Variants in SETX observed in about 807,000 individuals in gnomAD.
SETX encodes the protein helicase senataxin.
Under a neutral mutation model 227.2 loss-of-function variants are expected in SETX, and 90 were observed. That is an observed-to-expected ratio of 0.40 (90% CI 0.33 to 0.47). The LOEUF (loss-of-function observed/expected upper bound fraction) is 0.47, where lower values mean the gene tolerates loss of function less well. Among genes scored for constraint, SETX ranks in the 20% least tolerant of loss-of-function variants. SETX has a pLI of 0.91. For missense variants in SETX, 3,052 were observed against 3,181.5 expected (o/e 0.96, Z 0.98); for synonymous variants, 1,210 against 1,113.2 (o/e 1.09, Z -1.73).
intron 17 of SETX, among the ~76,000 whole-genome samples, chr9:132,286,958 G>A (rs1456165726): frequency 6.6e-6 from 1 of 152,192 alleles, no homozygotes; most frequent in Non-Finnish European, 1.5e-5. Context: ...GGGTTTCAAA[G>A]CTGAGATGGT....
chr9:132,347,649 A>G (rs1356564325), intron 3 of SETX, among the ~76,000 whole-genome samples: 1 of 151,668 alleles, frequency 6.6e-6, no homozygotes, highest in Non-Finnish European at 1.5e-5. Flanking sequence ...TAAATATCTC[A>G]ACATCCCTAT....
At chr9:132,278,344 C>T (rs566103208) in intron 20 of SETX, 87 bp from the exon 21 acceptor site, 1,168 of 1,304,938 alleles carry the variant, frequency 9.0e-4, no homozygotes, top group Non-Finnish European at 1.1e-3. Flanking sequence ...AGATCTAATA[C>T]GTATATGGCA....
chr9:132,348,688 G>C (rs1196591460), intron 3 of SETX, among the ~76,000 whole-genome samples: 4 of 152,016 alleles, frequency 2.6e-5, no homozygotes, highest in Non-Finnish European at 4.4e-5. Context: ...AACACTGGGG[G>C]GCCAAACCGG....
At chr9:132,352,339 G>C (rs116866921) in intron 2 of SETX, among the ~76,000 whole-genome samples, 414 of 152,184 alleles carry the variant, frequency 2.7e-3, no homozygotes, top group Middle Eastern at 6.8e-3. Context: ...TAAAGTTTTC[G>C]AAGGCTTGTC....
chr9:132,339,259 G>T (rs1249390726), intron 5 of SETX, among the ~76,000 whole-genome samples: 4 of 152,058 alleles, frequency 2.6e-5, no homozygotes, highest in South Asian at 2.1e-4. Context: ...TGAGGTATGG[G>T]GGCACTTGAG....
chr9:132,330,560 C>T, intron 9 of SETX, 61 bp from the exon 10 acceptor site: 2 of 1,445,790 alleles, frequency 1.4e-6, no homozygotes, highest in Non-Finnish European at 1.9e-6. Context: ...AGGTTCAACA[C>T]CCAAGTCGTT....
chr9:132,266,234 G>C (rs1589600629), intron 25 of SETX: 1 of 152,748 alleles, frequency 6.5e-6, no homozygotes, highest in East Asian at 1.9e-4. Flanking sequence ...TGACCTCTCT[G>C]AGCCTGTTTC....
chr9:132,272,918 C>T (rs1368775440), intron 23 of SETX, among the ~76,000 whole-genome samples: 1 of 152,112 alleles, frequency 6.6e-6, no homozygotes. Context: ...CAGATGTAAT[C>T]CAACTGCCTT....
At chr9:132,276,137 C>G (rs1179039972) in intron 22 of SETX, among the ~76,000 whole-genome samples, 2 of 152,312 alleles carry the variant, frequency 1.3e-5, no homozygotes, top group African/African-American at 2.4e-5. Context: ...ACCTTACCCG[C>G]CTTGCTTTAC....
At chr9:132,318,493 G>A (rs778938537) in intron 10 of SETX, among the ~76,000 whole-genome samples, 2 of 152,132 alleles carry the variant, frequency 1.3e-5, no homozygotes, top group Admixed American at 6.6e-5. Context: ...GCATCACCTA[G>A]CTTTTGTATC....
At chr9:132,332,364 A>T (rs1175453081) in intron 7 of SETX, among the ~76,000 whole-genome samples, 1 of 152,148 alleles carries the variant, frequency 6.6e-6, no homozygotes, top group East Asian at 1.9e-4. Context: ...TATATTAAAC[A>T]TTCCCCCACT....
chr9:132,336,174 T>C (rs1025404200), intron 6 of SETX, 122 bp downstream of exon 6: 43 of 796,076 alleles, frequency 5.4e-5, no homozygotes, highest in Non-Finnish European at 8.3e-5. Flanking sequence ...ACCTGGGAGG[T>C]GGAGCTTGCG....
chr9:132,325,329 C>T (rs1258088833), intron 10 of SETX, among the ~76,000 whole-genome samples: 1 of 151,956 alleles, frequency 6.6e-6, no homozygotes, highest in Non-Finnish European at 1.5e-5. Flanking sequence ...GCACTCCAGC[C>T]TGGGCGACAG....
At chr9:132,302,002 T>A (rs1162486835) in intron 11 of SETX, among the ~76,000 whole-genome samples, 1 of 152,144 alleles carries the variant, frequency 6.6e-6, no homozygotes, top group Non-Finnish European at 1.5e-5. Context: ...AGACTTAATA[T>A]TGTTAAAATG....
chr9:132,349,184 G>A (rs1050490255), intron 3 of SETX, 68 bp downstream of exon 3: 280 of 1,417,414 alleles, frequency 2.0e-4, no homozygotes, highest in Non-Finnish European at 2.7e-4. Context: ...TACTTCCAAC[G>A]GAGTTCAAAC....
Position 132,328,020 on chromosome 9 carries a change from AG to A in SETX, c.3577del (p.Val1194TrpfsTer67). On this transcript the variant is annotated frameshift_variant, in exon 10 of 26. Transcript: ENST00000224140. LOFTEE classifies it high-confidence loss of function. The part of the protein sequence containing the change: ...EGQSDTNKRD[L>X]VGNDFKSIDR... The stretch of plus-strand genomic sequence containing the variant: ...AATACTTTTAAAATCATTTCCCACA[AG>A]ATCTCTCTTATTAGTATCAGACTGG... 6.2e-7 allele frequency: 1 copy of A among 1,614,014 alleles called. No individual in the cohort carries two copies.
chr9:132,326,814 G>A lies in SETX; in HGVS notation c.4784C>T (p.Thr1595Ile). The stretch of plus-strand genomic sequence containing the variant: ...ACTCTTTGAGCTAAAAATCTTAGTG[G>A]TAGGTCTCAAAGGTTTAGATGCAGG... ...PPPASKPLRP[T>I]TKIFSSKSTS... is the part of the protein sequence containing the mutation. Residue 1595 changes from threonine to isoleucine, a missense_variant, in exon 10 of 26, where the codon ACC (threonine) becomes ATC (isoleucine). Physicochemically the swap from Thr to Ile is moderately conservative, Grantham distance 89. Around this residue, in one of 10 missense-constraint regions of SETX, gnomAD observed 1,483 missense variants for 1,312.0 expected, o/e 1.13. Coordinates refer to ENST00000224140, the MANE Select transcript of SETX (RefSeq NM_015046.7). The A allele has an allele frequency of 6.2e-7, 1 of 1,614,200 alleles. No homozygotes were observed. The highest frequency in any genetic ancestry group is 8.5e-7 in the Non-Finnish European group (1 of 1,180,028).
chr9:132,329,275 T>C lies in SETX; in HGVS notation c.2323A>G (p.Thr775Ala), dbSNP rs1403272145. The change falls in exon 10 of 26, where the codon ACC becomes GCC. Residue 775 changes from threonine (T) to alanine (A), a missense_variant. Transcript: ENST00000224140. Reference sequence around the variant, plus strand: ...TGTACCTTAGTTTTTCGTTTTGAGGTTTTAGCAAGAGCATCATCCTTTAAA... The same window carrying C: ...TGTACCTTAGTTTTTCGTTTTGAGGCTTTAGCAAGAGCATCATCCTTTAAA... ...FSLKDDALAK[T>A]SKRKTKVQKD... The C allele has an allele frequency of 1.9e-6, 3 of 1,613,812 alleles. No homozygotes were observed. In the South Asian group the frequency reaches 3.3e-5, roughly 18 times the overall value.
chr9:132,295,903 T>C lies in SETX; in HGVS notation c.6075A>G (p.Lys2025=). 6.2e-7 allele frequency: 1 copy of C among 1,613,964 alleles called. No homozygotes were observed. Among genetic ancestry groups the C allele is most frequent in the Middle Eastern group, 1.6e-4 (1 of 6,062 alleles). Residue 2025 remains lysine, a synonymous_variant, in exon 15 of 26, where the codon AAA becomes AAG. Coordinates refer to ENST00000224140, the MANE Select transcript of SETX (RefSeq NM_015046.7). ...ELMKKIILEF[K]EKCKDKKNPL... ...GATTCTTCTTGTCTTTACATTTTTC[T>C]TTGAATTCAAGGATAATTTTTTTCA...
Sources: gnomAD v4.1 joint callset for allele counts (sites outside exome capture counted in the v4.1 genomes callset) on GRCh38, gnomAD v4.1.1 for gene constraint, gnomAD v4.1.1 regional missense constraint, MANE v1.5 for transcripts, NCBI Gene and HGNC (gene_info 2026-07-23, HGNC 2026-07-21) for gene names.